Variants in ROBO2 observed in about 807,000 individuals in gnomAD.
ROBO2 encodes roundabout homolog 2.
Under a neutral mutation model 160.8 loss-of-function variants are expected in ROBO2, and 53 were observed. The ratio of observed to expected loss-of-function variants is 0.33; its 90% CI spans 0.26 to 0.41. The LOEUF (loss-of-function observed/expected upper bound fraction) is 0.41. Ranked by LOEUF, ROBO2 falls within the 10% of genes least tolerant of loss-of-function variation. The probability of loss-of-function intolerance (pLI) is 1.00; values close to 1 mark genes in which losing one functional copy is unlikely to be tolerated. For missense variants in ROBO2, 1,577 were observed against 1,722.4 expected (o/e 0.92, Z 1.49); for synonymous variants, 664 against 611.7 (o/e 1.09, Z -1.26).
chr3:76,949,155 T>A (rs952192082), intron 2 of ROBO2, among the ~76,000 whole-genome samples: 2 of 151,858 alleles, frequency 1.3e-5, no homozygotes, highest in Non-Finnish European at 2.9e-5. Context: ...TGTGCTTAGT[T>A]TATAGTAAAT....
chr3:77,167,558 T>C (rs909667772), intron 2 of ROBO2, among the ~76,000 whole-genome samples: 4 of 152,202 alleles, frequency 2.6e-5, no homozygotes, highest in African/African-American at 4.8e-5. Flanking sequence ...GTTAAACCCA[T>C]ATGTATAATT....
At chr3:76,484,451 T>G (rs556695247) in intron 2 of ROBO2, among the ~76,000 whole-genome samples, 4 of 152,128 alleles carry the variant, frequency 2.6e-5, no homozygotes, top group Non-Finnish European at 4.4e-5. Flanking sequence ...TTAAACTCAG[T>G]GAGTCCACAG....
chr3:76,287,969 AAAT>A (rs1708596144), intron 2 of ROBO2, among the ~76,000 whole-genome samples: 1 of 106,108 alleles, frequency 9.4e-6, no homozygotes. Flanking sequence ...TAGAAGAAAA[AAAT>A]AATGAGTAAA....
At chr3:76,986,405 G>A (rs2060383115) in intron 2 of ROBO2, among the ~76,000 whole-genome samples, 1 of 151,912 alleles carries the variant, frequency 6.6e-6, no homozygotes. Context: ...TATAAAACAT[G>A]AGTTTCACCA....
intron 2 of ROBO2, among the ~76,000 whole-genome samples, chr3:75,985,162 T>A (rs1301049616): frequency 6.6e-6 from 1 of 151,424 alleles, no homozygotes; most frequent in African/African-American, 2.4e-5. Flanking sequence ...GACAGTAAAT[T>A]CTATCAAACT....
At chr3:77,255,234 G>A (rs1427805964) in intron 2 of ROBO2, among the ~76,000 whole-genome samples, 1 of 152,172 alleles carries the variant, frequency 6.6e-6, no homozygotes, top group Non-Finnish European at 1.5e-5. Flanking sequence ...TGTTGAGCAA[G>A]CCTTTCTTAA....
At chr3:76,109,559 T>A (rs1046651542) in intron 2 of ROBO2, among the ~76,000 whole-genome samples, 1 of 152,096 alleles carries the variant, frequency 6.6e-6, no homozygotes, top group African/African-American at 2.4e-5. Context: ...GAGAATGTGT[T>A]GACTGTGCCT....
intron 2 of ROBO2, among the ~76,000 whole-genome samples, chr3:76,729,794 C>T (rs566507524): frequency 6.6e-6 from 1 of 152,170 alleles, no homozygotes; most frequent in African/African-American, 2.4e-5. Flanking sequence ...CGTGCCACCA[C>T]GCCTGGCTAA....
chr3:76,516,233 G>T (rs531098324), intron 2 of ROBO2, among the ~76,000 whole-genome samples: 1 of 152,260 alleles, frequency 6.6e-6, no homozygotes, highest in Non-Finnish European at 1.5e-5. Flanking sequence ...ATGAGCAACA[G>T]AAATCTGTGA....
intron 2 of ROBO2, among the ~76,000 whole-genome samples, chr3:76,266,959 A>G (rs553401029): frequency 6.6e-6 from 1 of 152,266 alleles, no homozygotes; most frequent in Non-Finnish European, 1.5e-5. Context: ...AAAAATCCAC[A>G]TGTTCTTTCG....
intron 2 of ROBO2, among the ~76,000 whole-genome samples, chr3:76,165,308 T>C (rs1575725198): frequency 1.3e-5 from 2 of 151,924 alleles, no homozygotes; most frequent in East Asian, 3.9e-4. Flanking sequence ...GATGGCTTCT[T>C]TCCTTCAACC....
intron 2 of ROBO2, among the ~76,000 whole-genome samples, chr3:76,406,111 A>G (rs2078111182): frequency 6.6e-6 from 1 of 151,792 alleles, no homozygotes; most frequent in African/African-American, 2.4e-5. Context: ...TATTGATTGT[A>G]TTCATATTTG....
At chr3:76,534,830 T>A (rs184416682) in intron 2 of ROBO2, among the ~76,000 whole-genome samples, 2 of 151,738 alleles carry the variant, frequency 1.3e-5, no homozygotes, top group Non-Finnish European at 2.9e-5. Context: ...ACCTTAGGGG[T>A]TGGTGACAAG....
chr3:76,207,719 A>T (rs1483488019), intron 2 of ROBO2, among the ~76,000 whole-genome samples: 3 of 152,192 alleles, frequency 2.0e-5, no homozygotes, highest in African/African-American at 7.2e-5. Flanking sequence ...CTGTAACAGA[A>T]GTGTCCGTAG....
At chr3:76,193,102 C>T (rs1382879691) in intron 2 of ROBO2, among the ~76,000 whole-genome samples, 1 of 152,142 alleles carries the variant, frequency 6.6e-6, no homozygotes, top group Non-Finnish European at 1.5e-5. Context: ...TGATTTATGA[C>T]CATTCACCTG....
intron 2 of ROBO2, among the ~76,000 whole-genome samples, chr3:76,419,996 A>G (rs1478836774): frequency 6.6e-6 from 1 of 152,110 alleles, no homozygotes; most frequent in Non-Finnish European, 1.5e-5. Flanking sequence ...AATTCTCTGG[A>G]CTATATGCAG....
chr3:76,462,619 AAAG>A (rs1428325003), intron 2 of ROBO2, among the ~76,000 whole-genome samples: 3 of 152,248 alleles, frequency 2.0e-5, no homozygotes, highest in East Asian at 1.9e-4. Flanking sequence ...AAAAAAAAAA[AAAG>A]AATAAGATAC....
chr3:76,749,951 G>A (rs1053543792), intron 2 of ROBO2, among the ~76,000 whole-genome samples: 3 of 152,058 alleles, frequency 2.0e-5, no homozygotes, highest in African/African-American at 4.8e-5. Context: ...ATTTTCTGAG[G>A]CCAGCATCAT....
chr3:77,254,035 T>C (rs2090660238), intron 2 of ROBO2, among the ~76,000 whole-genome samples: 2 of 152,200 alleles, frequency 1.3e-5, no homozygotes, highest in Non-Finnish European at 2.9e-5. Flanking sequence ...GAAAAGGTAA[T>C]GAAAATATTT....
Sources: allele counts gnomAD v4.1 joint callset (sites outside exome capture counted in the v4.1 genomes callset), GRCh38; gene constraint gnomAD v4.1.1; transcripts MANE v1.5; gene names NCBI Gene and HGNC (gene_info 2026-07-23, HGNC 2026-07-21).